IRF4: variants seen among roughly 807,000 people sequenced by gnomAD.
IRF4 encodes interferon regulatory factor 4.
A neutral mutation model predicts 55.5 loss-of-function variants in IRF4; 13 were observed. The ratio of observed to expected loss-of-function variants is 0.23; its 90% CI spans 0.15 to 0.37. The LOEUF (loss-of-function observed/expected upper bound fraction) is 0.37, where lower values mean the gene tolerates loss of function less well. Ranked by LOEUF, IRF4 falls within the 10% of genes least tolerant of loss-of-function variation. The pLI is 1.00. For synonymous variants in IRF4, 249 were observed against 240.7 expected (o/e 1.03, Z -0.32); for missense variants, 397 against 593.8 (o/e 0.67, Z 3.44).
intron 7 of IRF4, among the ~76,000 whole-genome samples, chr6:402,778 TC>T: frequency 1.3e-5 from 2 of 152,312 alleles, no homozygotes; most frequent in Middle Eastern, 6.8e-3. Flanking sequence ...ATGCCTGTAA[TC>T]CCAGCACTTT....
intron 7 of IRF4, 125 bp from the exon 8 acceptor site, chr6:404,893 G>T: frequency 1.6e-6 from 1 of 628,846 alleles, no homozygotes; most frequent in South Asian, 2.0e-5. Flanking sequence ...CCCACTCAGC[G>T]GAGTAAGAGT....
At chr6:401,922 G>A in intron 7 of IRF4, 145 bp downstream of exon 7, 1 of 654,118 alleles carries the variant, frequency 1.5e-6, no homozygotes. Context: ...CTTGACTCCA[G>A]TAGAGATCTT....
rs1053343832 is a variant in IRF4 at position 401,953 on chromosome 6, CAG to C, written c.1099+181_1099+182del. The C allele has an allele frequency of 7.3e-5, 45 of 612,414 alleles. No homozygotes were observed. In the Admixed American group the frequency reaches 9.6e-4, roughly 13 times the overall value. The allele number at this position is 612,414 out of a possible 1,614,324, so 37.9% of individuals were successfully genotyped here. A position where few individuals can be genotyped will look rare whatever the true frequency, so the allele number is the denominator to read the frequency against. On this transcript the variant is annotated intron_variant, in intron 7 of 8. Coordinates refer to ENST00000380956, the MANE Select transcript of IRF4 (RefSeq NM_002460.4). ...ATCTTCTGTCTGGCTCTGTTGTGGGCAGAGAGTCCGGATCAGATGGTCCAGGT... is the reference window on the plus strand; with the variant it reads ...ATCTTCTGTCTGGCTCTGTTGTGGGCAGAGTCCGGATCAGATGGTCCAGGT...
intron 3 of IRF4, among the ~76,000 whole-genome samples, chr6:395,469 TG>T (rs1297442253): frequency 1.3e-5 from 2 of 152,216 alleles, no homozygotes; most frequent in African/African-American, 4.8e-5. Context: ...GTCAGATTCC[TG>T]GACCCCTCTT....
intron 4 of IRF4, 97 bp from the exon 5 acceptor site, chr6:397,011 T>G (rs1761279859): frequency 7.4e-7 from 1 of 1,359,706 alleles, no homozygotes; most frequent in Non-Finnish European, 1.0e-6. Flanking sequence ...TACCCCCGTC[T>G]CGATGCCAGT....
At chr6:392,881 C>T (rs954240177) in intron 1 of IRF4, among the ~76,000 whole-genome samples, 1 of 152,002 alleles carries the variant, frequency 6.6e-6, no homozygotes. Context: ...TCGCGGGGGC[C>T]GAGCTCGGAA....
At position 409,766 on chromosome 6, in the gene IRF4, A is replaced by G; in HGVS notation, c.*2168A>G. 1.3e-5 allele frequency: 3 copies of G among 229,242 alleles called. No individual in the cohort carries two copies. Among genetic ancestry groups the G allele is most frequent in the Non-Finnish European group, 2.6e-5 (3 of 115,478 alleles). The allele number at this position is 229,242 out of a possible 1,614,324, so 14.2% of individuals were successfully genotyped here. On this transcript the variant is annotated 3_prime_UTR_variant, in exon 9 of 9. Coordinates refer to ENST00000380956, the MANE Select transcript of IRF4 (RefSeq NM_002460.4). ...CCTGTGACCCTCTTTGCTGAAGAAT[A>G]TTTAACCCCACACAGCACTTCAAAG...
Position 401,503 on chromosome 6 carries a change from G to A in IRF4, c.825G>A (p.Arg275=). ...CCACGTCCAGCCCCGAGGGCTGCCG[G>A]ATCTCCCATGGACATACGTATGACG... ...ELTTSSPEGC[R]ISHGHTYDAS... is the part of the protein sequence containing the mutation. Residue 275 remains arginine, a synonymous_variant, in exon 7 of 9, where the codon CGG becomes CGA. Coordinates refer to ENST00000380956, the MANE Select transcript of IRF4 (RefSeq NM_002460.4). 6.2e-7 allele frequency: 1 copy of A among 1,614,008 alleles called. No individual in the cohort carries two copies. The highest frequency in any genetic ancestry group is 8.5e-7 in the Non-Finnish European group (1 of 1,180,034).
intron 7 of IRF4, among the ~76,000 whole-genome samples, chr6:403,649 C>CT (rs1013858578): frequency 2.6e-5 from 4 of 152,222 alleles, no homozygotes; most frequent in African/African-American, 9.6e-5. Flanking sequence ...CTGGTCTTGG[C>CT]TTTCATTCCT....
Position 404,355 on chromosome 6 carries a change from AG to A in IRF4, c.1100-657del, listed in dbSNP as rs747777466. 5.9e-5 allele frequency among the ~76,000 whole-genome samples: 9 copies of A among 152,308 alleles called. No individual in the cohort carries two copies. The South Asian group carries it at 1.9e-3, about 32-fold the overall frequency. ...TGTGTATATCCACAAGCGGGAGGCC[AG>A]GGGGGCTGCCCCACTCCTGTTCTCA... On this transcript the variant is annotated intron_variant, in intron 7 of 8. Transcript: ENST00000380956.
chr6:393,745 C>T lies in IRF4; in HGVS notation c.216+377C>T, dbSNP rs1386345950. ...TCTGCCGCCTCCGTCCGTGGGTCCC[C>T]CTCGCCCTCTCCGTGCGTCCGCGCC... On this transcript the variant is annotated intron_variant, in intron 2 of 8. Transcript: ENST00000380956. This position sits in a 1 kb window ranked among gnomAD's most constrained non-coding sequence, Gnocchi z 5.4. Among the ~76,000 whole-genome samples, 1 of 152,242 alleles carries T rather than the reference C, an allele frequency of 6.6e-6. No homozygotes were observed. Among genetic ancestry groups the T allele is most frequent in the African/African-American group, 2.4e-5 (1 of 41,478 alleles).
chr6:407,261 T>C (rs535703286), intron 8 of IRF4, among the ~76,000 whole-genome samples, 194 bp from the exon 9 acceptor site: 2 of 152,376 alleles, frequency 1.3e-5, no homozygotes, highest in Non-Finnish European at 2.9e-5. Context: ...TGGCTGTTTT[T>C]TTACATGTTG....
intron 7 of IRF4, among the ~76,000 whole-genome samples, chr6:403,434 A>G (rs1371237677): frequency 6.6e-6 from 1 of 152,252 alleles, no homozygotes; most frequent in African/African-American, 2.4e-5. Context: ...AAAGTGTCAC[A>G]AGGAACTGGC....
chr6:406,244 T>A (rs1293053013), intron 8 of IRF4, among the ~76,000 whole-genome samples: 2 of 152,186 alleles, frequency 1.3e-5, no homozygotes, highest in African/African-American at 4.8e-5. Context: ...ATAAGCAGCA[T>A]TTAAGAAGTT....
intron 4 of IRF4, 157 bp downstream of exon 4, chr6:396,092 A>C: frequency 6.5e-6 from 4 of 611,954 alleles, no homozygotes; most frequent in Non-Finnish European, 1.2e-5. Context: ...CGAATGTCTC[A>C]CTTTCCACAC....
intron 2 of IRF4, 137 bp from the exon 3 acceptor site, chr6:394,684 G>A: frequency 1.2e-6 from 1 of 803,046 alleles, no homozygotes; most frequent in East Asian, 2.5e-5. Flanking sequence ...GAACTCAGGA[G>A]TTCGATGCTG....
At position 407,922 on chromosome 6, in the gene IRF4, G is replaced by A. The variant is rs1761593720; in HGVS notation, c.*324G>A. The stretch of plus-strand genomic sequence containing the variant: ...TTCAGTTCAGCGGTTGAGGAGAATT[G>A]CGGCGAGACAAGCATGGAAAATCAG... On this transcript the variant is annotated 3_prime_UTR_variant, in exon 9 of 9. Coordinates refer to ENST00000380956, the MANE Select transcript of IRF4 (RefSeq NM_002460.4). 5 of 325,042 alleles carry A rather than the reference G, an allele frequency of 1.5e-5. No homozygotes were observed. The South Asian group carries it at 2.7e-4, about 18-fold the overall frequency. 20.1% of individuals were successfully genotyped at this position (325,042 alleles called of 1,614,324 possible). A position where few individuals can be genotyped will look rare whatever the true frequency, so the allele number is the denominator to read the frequency against.
chr6:405,325 T>G (rs941485142), intron 8 of IRF4, among the ~76,000 whole-genome samples, 195 bp downstream of exon 8: 3 of 152,240 alleles, frequency 2.0e-5, no homozygotes, highest in Non-Finnish European at 4.4e-5. Context: ...CCTCCCAGAC[T>G]TGAGATCTGC....
chr6:394,296 T>C (rs1377894752), intron 2 of IRF4, among the ~76,000 whole-genome samples: 1 of 152,156 alleles, frequency 6.6e-6, no homozygotes, highest in Non-Finnish European at 1.5e-5. Context: ...CTCTACCGGT[T>C]ATAAATACCC....
Sources: allele counts gnomAD v4.1 joint callset (sites outside exome capture counted in the v4.1 genomes callset), GRCh38; gene constraint gnomAD v4.1.1; non-coding constraint Gnocchi (gnomAD v3.1); transcripts MANE v1.5; gene names NCBI Gene and HGNC (gene_info 2026-07-23, HGNC 2026-07-21).